The following PIK3R5 variants were observed in gnomAD, a reference collection of about 807,000 sequenced individuals.
PIK3R5 encodes the protein phosphoinositide-3-kinase regulatory subunit 5, also known as phosphoinositide 3-kinase regulatory subunit 5.
A neutral mutation model predicts 94.9 loss-of-function variants in PIK3R5; 32 were observed. The ratio of observed to expected loss-of-function variants is 0.34; its 90% CI spans 0.25 to 0.45. The LOEUF (loss-of-function observed/expected upper bound fraction) is 0.45. Among genes scored for constraint, PIK3R5 ranks in the 20% least tolerant of loss-of-function variants. The pLI, the probability that PIK3R5 is intolerant of heterozygous loss-of-function variation, is 1.00. For missense variants in PIK3R5, 853 were observed against 1,144.6 expected (o/e 0.75, Z 3.68); for synonymous variants, 443 against 479.4 (o/e 0.92, Z 0.99).
chr17:8,897,631 C>T (rs2090181651), intron 5 of PIK3R5, among the ~76,000 whole-genome samples: 1 of 152,156 alleles, frequency 6.6e-6, no homozygotes, highest in Non-Finnish European at 1.5e-5. Flanking sequence ...ACTCAATATC[C>T]ATTCCTCGTT....
At chr17:8,894,528 T>A (rs888560475) in intron 5 of PIK3R5, among the ~76,000 whole-genome samples, 5 of 152,130 alleles carry the variant, frequency 3.3e-5, no homozygotes, top group Admixed American at 1.3e-4. Context: ...CCAGCCCGCA[T>A]CCCCTTTCTC....
intron 1 of PIK3R5, among the ~76,000 whole-genome samples, chr17:8,924,055 C>T (rs1342991204): frequency 1.4e-3 from 114 of 80,296 alleles, no homozygotes; most frequent in African/African-American, 5.5e-3. Flanking sequence ...CCCCTCCCCT[C>T]CCCCCCTCCC....
At chr17:8,918,797 A>G (rs2151425422) in intron 1 of PIK3R5, among the ~76,000 whole-genome samples, 1 of 152,382 alleles carries the variant, frequency 6.6e-6, no homozygotes, top group East Asian at 1.9e-4. Context: ...CATTAACCAT[A>G]TGATCAAGGT....
chr17:8,952,846 G>C (rs751877120), intron 1 of PIK3R5, among the ~76,000 whole-genome samples: 1 of 152,176 alleles, frequency 6.6e-6, no homozygotes, highest in Non-Finnish European at 1.5e-5. Context: ...GTAGGGGGAG[G>C]AGGGGAGATG....
chr17:8,897,269 G>A (rs541374857), intron 5 of PIK3R5, among the ~76,000 whole-genome samples: 2 of 152,348 alleles, frequency 1.3e-5, no homozygotes, highest in South Asian at 4.1e-4. Flanking sequence ...GGAGCAGAGA[G>A]GGGGAAGGTG....
In PIK3R5 at chr17:8,884,606, G is replaced by A; in HGVS notation, c.2205+101C>T. ...GCTGCAGCCTTCCAGCGTAAAGACT[G>A]GGGCCCAGGAACACACGAGTCCAGC... is the stretch of plus-strand genomic sequence containing the variant. On this transcript the variant is annotated intron_variant, in intron 15 of 18. Transcript: ENST00000447110. This position sits in a 1 kb window ranked among gnomAD's most constrained non-coding sequence, Gnocchi z 5.8. The A allele has an allele frequency of 1.1e-6, 1 of 893,268 alleles. No homozygotes were observed. The highest frequency in any genetic ancestry group is 2.6e-5 in the East Asian group (1 of 38,930). The allele number at this position is 893,268 out of a possible 1,614,324, so 55.3% of individuals were successfully genotyped here. A position where few individuals can be genotyped will look rare whatever the true frequency, so the allele number is the denominator to read the frequency against.
Position 8,884,588 on chromosome 17 carries a change from C to A in PIK3R5, c.2205+119G>T. 1.3e-6 allele frequency: 1 copy of A among 743,578 alleles called. No individual in the cohort carries two copies. The highest frequency in any genetic ancestry group is 2.3e-6 in the Non-Finnish European group (1 of 429,340). The allele number at this position is 743,578 out of a possible 1,614,324, so 46.1% of individuals were successfully genotyped here. A position where few individuals can be genotyped will look rare whatever the true frequency, so the allele number is the denominator to read the frequency against. ...CAGCATCCAGGGGAGCCTGCTGCAG[C>A]CTTCCAGCGTAAAGACTGGGGCCCA... is the stretch of plus-strand genomic sequence containing the variant. On this transcript the variant is annotated intron_variant, in intron 15 of 18. Coordinates refer to ENST00000447110, the MANE Select transcript of PIK3R5 (RefSeq NM_001142633.3). The surrounding 1 kb of genome is among the most constrained non-coding windows in gnomAD (Gnocchi z 5.8).
At chr17:8,894,274 G>A (rs1403572295) in intron 5 of PIK3R5, among the ~76,000 whole-genome samples, 1 of 152,222 alleles carries the variant, frequency 6.6e-6, no homozygotes, top group Non-Finnish European at 1.5e-5. Context: ...AGGCTGCCCC[G>A]TCTTGTGCCG....
chr17:8,951,625 C>T (rs1274285946), intron 1 of PIK3R5, among the ~76,000 whole-genome samples: 1 of 152,190 alleles, frequency 6.6e-6, no homozygotes, highest in African/African-American at 2.4e-5. Flanking sequence ...TGTATATACA[C>T]ATTTTGTTTA....
chr17:8,888,679 C>A lies in PIK3R5; in HGVS notation c.1108G>T (p.Ala370Ser). The A allele has an allele frequency of 6.2e-7, 1 of 1,613,930 alleles. No individual in the cohort carries two copies. The highest frequency in any genetic ancestry group is 8.5e-7 in the Non-Finnish European group (1 of 1,180,012). Residue 370 changes from alanine to serine, a missense_variant, in exon 10 of 19, where the codon GCC becomes TCC. By Grantham distance (99) the Ala-to-Ser change is moderately conservative. Transcript: ENST00000447110. The surrounding 1 kb of genome is among the most constrained non-coding windows in gnomAD (Gnocchi z 7.8). ...GAAGTCAGCAGATGGCGCGAGAGGGCCGGCCCCGAGGCCTGGGAGGATGCA... is the reference window on the plus strand; with the variant it reads ...GAAGTCAGCAGATGGCGCGAGAGGGACGGCCCCGAGGCCTGGGAGGATGCA... Reference protein sequence around the residue: ...SLASSQASGPALSRHLLTSFV... With the variant: ...SLASSQASGPSLSRHLLTSFV...
At chr17:8,913,448 C>T (rs575389119) in intron 1 of PIK3R5, among the ~76,000 whole-genome samples, 1 of 152,122 alleles carries the variant, frequency 6.6e-6, no homozygotes, top group Non-Finnish European at 1.5e-5. Context: ...GGCTCATGCC[C>T]GTAATCCCAG....
Position 8,890,055 on chromosome 17 carries a change from G to C in PIK3R5, c.729C>G (p.Ile243Met), listed in dbSNP as rs200469610. 53 of 1,613,996 alleles carry C rather than the reference G, an allele frequency of 3.3e-5. No individual in the cohort carries two copies. The East Asian group carries it at 6.7e-4, about 20-fold the overall frequency. Residue 243 changes from isoleucine to methionine, a missense_variant, in exon 8 of 19, where the codon ATC becomes ATG. Coordinates refer to ENST00000447110, the MANE Select transcript of PIK3R5 (RefSeq NM_001142633.3). The surrounding 1 kb of genome is among the most constrained non-coding windows in gnomAD (Gnocchi z 6.1). ...TAEAQELASG[I>M]GDAAEARRWL... is the part of the protein sequence containing the mutation. ...ACCGCCGGGCCTCTGCAGCATCCCCGATGCCAGATGCCAGCTCCTGTGCCT... is the reference window on the plus strand; with the variant it reads ...ACCGCCGGGCCTCTGCAGCATCCCCCATGCCAGATGCCAGCTCCTGTGCCT...
Position 8,880,523 on chromosome 17 carries a change from A to C in PIK3R5, c.*116T>G. ...AGCCCCTGCTCATTGCAGGACCCAC[A>C]GTGGGACTATGGCTCTGCACAGGGC... On this transcript the variant is annotated 3_prime_UTR_variant, in exon 19 of 19. Coordinates refer to ENST00000447110, the MANE Select transcript of PIK3R5 (RefSeq NM_001142633.3). 9.3e-7 allele frequency: 1 copy of C among 1,077,608 alleles called. No individual in the cohort carries two copies. Among genetic ancestry groups the C allele is most frequent in the Non-Finnish European group, 1.3e-6 (1 of 779,940 alleles). The allele number at this position is 1,077,608 out of a possible 1,614,324, so 66.8% of individuals were successfully genotyped here. A position where few individuals can be genotyped will look rare whatever the true frequency, so the allele number is the denominator to read the frequency against.
chr17:8,938,525 A>C lies in PIK3R5; in HGVS notation c.-13-27018T>G, dbSNP rs138531983. On this transcript the variant is annotated intron_variant, in intron 1 of 18. Coordinates refer to ENST00000447110, the MANE Select transcript of PIK3R5 (RefSeq NM_001142633.3). ...AAAAAGAAACCCTATACCTATTAGC[A>C]ATCACTCTCCATTCTCCCTCCCCTT... Among the ~76,000 whole-genome samples, 808 of 152,298 alleles carry C rather than the reference A, an allele frequency of 5.3e-3. 9 individuals are homozygous for C. The highest frequency in any genetic ancestry group is 7.9e-3 in the Non-Finnish European group (540 of 68,016).
At chr17:8,942,666 T>C (rs9911033) in intron 1 of PIK3R5, among the ~76,000 whole-genome samples, 118,493 of 149,648 alleles carry the variant, frequency 0.79, 46,659 homozygotes, top group African/African-American at 0.83. Flanking sequence ...AGTGCAGTGG[T>C]GCGATCTCTG....
rs547367195 is a variant in PIK3R5, at chr17:8,951,002, C to T, written c.-14+14594G>A. 3.7e-4 allele frequency among the ~76,000 whole-genome samples: 56 copies of T among 152,154 alleles called. 1 individual carries two copies. Among genetic ancestry groups the T allele is most frequent in the Middle Eastern group, 3.4e-3 (1 of 294 alleles). ...TCAATAGTGGCCATTCTGACTGGTG[C>T]GAGATGGTATCTTGTTAAGGTTTTG... On this transcript the variant is annotated intron_variant, in intron 1 of 18. Transcript: ENST00000447110.
chr17:8,888,741 G>A lies in PIK3R5; in HGVS notation c.1046C>T (p.Thr349Ile). The change falls in exon 10 of 19, where the codon ACC becomes ATC. Residue 349 changes from threonine (T) to isoleucine (I), a missense_variant. This residue lies in a region of PIK3R5 where 161 missense variants were observed against 249.5 expected (regional missense o/e 0.65). Transcript: ENST00000447110. The surrounding 1 kb of genome is among the most constrained non-coding windows in gnomAD (Gnocchi z 7.8). Reference protein sequence around the residue: ...HCAERDSLLSTSSLASHDSTL... With the variant: ...HCAERDSLLSISSLASHDSTL... ...GGAGTCATGGGACGCCAAAGAGCTG[G>A]TGGAGAGCAGGGAATCTCTCTCGGC... is the stretch of plus-strand genomic sequence containing the variant. 1 of 1,613,694 alleles carries A rather than the reference G, an allele frequency of 6.2e-7. No individual in the cohort carries two copies. Among genetic ancestry groups the A allele is most frequent in the South Asian group, 1.1e-5 (1 of 91,092 alleles).
intron 1 of PIK3R5, among the ~76,000 whole-genome samples, chr17:8,964,407 A>G (rs552971327): frequency 1.9e-4 from 29 of 152,172 alleles, no homozygotes; most frequent in African/African-American, 6.7e-4. Context: ...AATAATAATA[A>G]TAATTCCACA....
At position 8,898,994 on chromosome 17, in the gene PIK3R5, G is replaced by A. The variant is rs1240928276; in HGVS notation, c.413-5339C>T. 5.3e-5 allele frequency among the ~76,000 whole-genome samples: 8 copies of A among 152,222 alleles called. No individual in the cohort carries two copies. In the South Asian group the frequency reaches 6.2e-4, roughly 12 times the overall value. On this transcript the variant is annotated intron_variant, in intron 5 of 18. Transcript: ENST00000447110. The stretch of plus-strand genomic sequence containing the variant: ...CTGTGTGCTTTGAAAATTGCAGAGC[G>A]GTTTGCATGTAAGATGCCCCATGTC...
Sources: allele counts gnomAD v4.1 joint callset (sites outside exome capture counted in the v4.1 genomes callset), GRCh38; gene constraint gnomAD v4.1.1; regional missense constraint gnomAD v4.1.1; non-coding constraint Gnocchi (gnomAD v3.1); transcripts MANE v1.5; gene names NCBI Gene and HGNC (gene_info 2026-07-23, HGNC 2026-07-21).